ADARB2: variants seen among roughly 807,000 people sequenced by gnomAD.
ADARB2 encodes the protein adenosine deaminase RNA specific B2 (inactive).
ADARB2 carries 25 observed loss-of-function variants against 62.2 expected under a neutral mutation model. That is an observed-to-expected ratio of 0.40 (90% CI 0.29 to 0.56). ADARB2 has a LOEUF of 0.56. ADARB2 is among the 20% of genes least tolerant of loss of function. ADARB2 has a pLI of 0.43. For synonymous variants in ADARB2, 572 were observed against 500.8 expected (o/e 1.14, Z -1.90); for missense variants, 1,071 against 1,077.4 (o/e 0.99, Z 0.08).
At chr10:1,554,500 AT>A (rs747074139) in intron 1 of ADARB2, among the ~76,000 whole-genome samples, 1 of 151,938 alleles carries the variant, frequency 6.6e-6, no homozygotes, top group Non-Finnish European at 1.5e-5. Flanking sequence ...CCCAGCCAGC[AT>A]CCCCCCAAGT....
At chr10:1,375,406 G>A (rs1832413372) in intron 2 of ADARB2, among the ~76,000 whole-genome samples, 1 of 152,166 alleles carries the variant, frequency 6.6e-6, no homozygotes, top group East Asian at 1.9e-4. Context: ...TTCCAGATGC[G>A]GCTCCCAGGC....
intron 1 of ADARB2, among the ~76,000 whole-genome samples, chr10:1,471,551 TG>T (rs1308941401): frequency 6.6e-6 from 1 of 152,164 alleles, no homozygotes; most frequent in African/African-American, 2.4e-5. Flanking sequence ...CCACCATGCC[TG>T]GCTAATTTTT....
At chr10:1,262,405 T>G (rs550164326) in intron 4 of ADARB2, among the ~76,000 whole-genome samples, 4 of 151,590 alleles carry the variant, frequency 2.6e-5, no homozygotes, top group African/African-American at 9.7e-5. Flanking sequence ...AGGGCTAATA[T>G]CCAGAATCTA....
chr10:1,265,156 C>T (rs1831182056), intron 4 of ADARB2, among the ~76,000 whole-genome samples: 1 of 152,232 alleles, frequency 6.6e-6, no homozygotes, highest in Non-Finnish European at 1.5e-5. Context: ...TCAGGAAAGC[C>T]ACTTGGCCTC....
intron 1 of ADARB2, among the ~76,000 whole-genome samples, chr10:1,614,910 C>CAAAAA (rs4002271): frequency 3.4e-4 from 50 of 148,750 alleles, no homozygotes; most frequent in Middle Eastern, 3.5e-3. Flanking sequence ...GACTCTGACT[C>CAAAAA]AAAAAAAAAT....
chr10:1,518,113 A>C (rs1026050741), intron 1 of ADARB2, among the ~76,000 whole-genome samples: 77 of 152,230 alleles, frequency 5.1e-4, no homozygotes, highest in Non-Finnish European at 2.9e-4. Flanking sequence ...GTGAGAGGCC[A>C]ACCCGTTAGA....
chr10:1,425,833 T>C (rs543675998), intron 1 of ADARB2, among the ~76,000 whole-genome samples: 1 of 152,300 alleles, frequency 6.6e-6, no homozygotes, highest in Non-Finnish European at 1.5e-5. Context: ...GCAGGAAGCA[T>C]GCATGCTGGA....
intron 1 of ADARB2, among the ~76,000 whole-genome samples, chr10:1,467,698 A>G (rs1337547367): frequency 6.6e-6 from 1 of 152,208 alleles, no homozygotes. Context: ...TAATGTAAGC[A>G]TTCCCCAGGC....
intron 6 of ADARB2, among the ~76,000 whole-genome samples, chr10:1,227,015 G>C (rs1830753715): frequency 6.6e-6 from 1 of 152,262 alleles, no homozygotes; most frequent in African/African-American, 2.4e-5. Flanking sequence ...GCCTATAGAG[G>C]CAGGCAGGCC....
In ADARB2 at chr10:1,395,957, G is replaced by A. The variant is rs1056505167; in HGVS notation, c.101-16797C>T. 7.9e-5 allele frequency among the ~76,000 whole-genome samples: 12 copies of A among 152,322 alleles called. No homozygotes were observed. The East Asian group carries it at 2.1e-3, about 27-fold the overall frequency. ...CGGCATCGTGAACCCTCCTAGCAGG[G>A]TGCCCTGTCCTCCGCTGACCGGACT... On this transcript the variant is annotated intron_variant, in intron 1 of 9. Coordinates refer to ENST00000381312, the MANE Select transcript of ADARB2 (RefSeq NM_018702.4).
At chr10:1,695,985 A>G (rs1874992) in intron 1 of ADARB2, among the ~76,000 whole-genome samples, 137,276 of 150,600 alleles carry the variant, frequency 0.91, 62,476 homozygotes, top group South Asian at 0.97. Flanking sequence ...GAATATGTGC[A>G]TGCATGTGTG....
At chr10:1,262,688 G>A (rs1339660821) in intron 4 of ADARB2, among the ~76,000 whole-genome samples, 1 of 152,186 alleles carries the variant, frequency 6.6e-6, no homozygotes, top group Non-Finnish European at 1.5e-5. Flanking sequence ...TGGTGGGACT[G>A]TAAACTAGTT....
rs1589144439 is a variant in ADARB2, at chr10:1,183,226, T to A, written c.2187A>T (p.Pro729=). Residue 729 remains proline (P), a synonymous_variant, in exon 10 of 10, where the codon CCA becomes CCT. Coordinates refer to ENST00000381312, the MANE Select transcript of ADARB2 (RefSeq NM_018702.4). ...KAGLGTWVRK[P]PEQQQFLLTL is the part of the protein sequence containing the mutation. Reference sequence around the variant, plus strand: ...TCAGTAGAAACTGCTGCTGCTCCGGTGGTTTCCTCACCCAGGTGCCCAGGC... The same window carrying A: ...TCAGTAGAAACTGCTGCTGCTCCGGAGGTTTCCTCACCCAGGTGCCCAGGC... The A allele has an allele frequency of 6.2e-6, 10 of 1,613,558 alleles. No individual in the cohort carries two copies. In the Admixed American group the frequency reaches 1.0e-4, roughly 16 times the overall value.
intron 1 of ADARB2, among the ~76,000 whole-genome samples, chr10:1,475,923 G>A (rs1045080363): frequency 4.6e-5 from 7 of 152,166 alleles, no homozygotes; most frequent in Admixed American, 1.3e-4. Context: ...TACAAAACAC[G>A]AACATTTTTG....
chr10:1,600,987 C>T (rs867805083), intron 1 of ADARB2, among the ~76,000 whole-genome samples: 1 of 152,182 alleles, frequency 6.6e-6, no homozygotes, highest in African/African-American at 2.4e-5. Flanking sequence ...GTGACTCTTG[C>T]AGCAGGGCCT....
chr10:1,723,374 G>T (rs1835121239), intron 1 of ADARB2, among the ~76,000 whole-genome samples: 1 of 152,172 alleles, frequency 6.6e-6, no homozygotes, highest in African/African-American at 2.4e-5. Context: ...CCAGGGCCTT[G>T]GTCCCTTCTT....
chr10:1,217,021 C>G lies in ADARB2; in HGVS notation c.1612G>C (p.Val538Leu). Residue 538 changes from valine (V) to leucine (L), a missense_variant, in exon 7 of 10, where the codon GTG becomes CTG. Transcript: ENST00000381312. ...AGCAGGACGCCGTCCCAGGTCTGCA[C>G]TGCGCTGGGGCCACGCACGGGGACC... ...GTVPVRGPSA[V>L]QTWDGVLLGE... 1 of 1,611,894 alleles carries G rather than the reference C, an allele frequency of 6.2e-7. No individual in the cohort carries two copies. Among genetic ancestry groups the G allele is most frequent in the South Asian group, 1.1e-5 (1 of 90,858 alleles).
At chr10:1,217,517 T>C (rs902064189) in intron 6 of ADARB2, among the ~76,000 whole-genome samples, 2 of 152,234 alleles carry the variant, frequency 1.3e-5, no homozygotes, top group African/African-American at 4.8e-5. Flanking sequence ...TTTCAGAGGT[T>C]GTGAAACACC....
chr10:1,266,320 G>A lies in ADARB2; in HGVS notation c.1192+4635C>T, dbSNP rs373636976. ...ACAGCGCATGTGCTCCTGGCATAGG[G>A]CTCACTGGATTATTTTAAGTAAATG... On this transcript the variant is annotated intron_variant, in intron 4 of 9. Transcript: ENST00000381312. Among the ~76,000 whole-genome samples, 3 of 152,360 alleles carry A rather than the reference G, an allele frequency of 2.0e-5. No individual in the cohort carries two copies. The East Asian group carries it at 5.8e-4, about 29-fold the overall frequency.
Sources: gnomAD v4.1 joint callset for allele counts (sites outside exome capture counted in the v4.1 genomes callset) on GRCh38, gnomAD v4.1.1 for gene constraint, MANE v1.5 for transcripts, NCBI Gene and HGNC (gene_info 2026-07-23, HGNC 2026-07-21) for gene names.